COTL1: variants seen among roughly 807,000 people sequenced by gnomAD.
The protein encoded by COTL1 is coactosin like F-actin binding protein 1, also known as coactosin-like protein.
COTL1 carries 15 observed loss-of-function variants against 16.5 expected under a neutral mutation model. That is an observed-to-expected ratio of 0.91 (90% CI 0.61 to 1.40). COTL1 has a LOEUF of 1.40. Ranked by LOEUF, COTL1 falls within the 40% of genes most tolerant of loss-of-function variation. The pLI is 0.00. For synonymous variants in COTL1, 112 were observed against 85.3 expected (o/e 1.31, Z -1.73); for missense variants, 220 against 201.5 (o/e 1.09, Z -0.56).
intron 2 of COTL1, among the ~76,000 whole-genome samples, chr16:84,605,133 C>G (rs948834515): frequency 2.8e-5 from 4 of 144,456 alleles, no homozygotes; most frequent in African/African-American, 8.8e-5. Flanking sequence ...TTCCCACGGC[C>G]CCCCATGGCC....
At chr16:84,585,026 T>G (rs1356102316) in intron 3 of COTL1, among the ~76,000 whole-genome samples, 1 of 152,032 alleles carries the variant, frequency 6.6e-6, no homozygotes, top group African/African-American at 2.4e-5. Context: ...CATAAACAAA[T>G]TACTCCATTA....
chr16:84,595,264 A>G (rs529530454), intron 2 of COTL1: 1 of 152,324 alleles, frequency 6.6e-6, no homozygotes, highest in African/African-American at 2.4e-5. Flanking sequence ...TTATCCGACA[A>G]TGGTTTGGTC....
intron 2 of COTL1, among the ~76,000 whole-genome samples, chr16:84,603,069 C>T (rs755798952): frequency 6.6e-6 from 1 of 152,146 alleles, no homozygotes; most frequent in African/African-American, 2.4e-5. Context: ...CCCTTTCCTC[C>T]CATGTAACAA....
intron 2 of COTL1, among the ~76,000 whole-genome samples, chr16:84,603,265 T>C (rs2150693538): frequency 6.6e-6 from 1 of 152,306 alleles, no homozygotes; most frequent in African/African-American, 2.4e-5. Context: ...ACTTTACTCT[T>C]CTACGGATTC....
chr16:84,614,586 G>T (rs1263558624), intron 2 of COTL1, among the ~76,000 whole-genome samples: 1 of 152,106 alleles, frequency 6.6e-6, no homozygotes, highest in African/African-American at 2.4e-5. Context: ...AGTGGGGAGG[G>T]TTGGGAGAAG....
chr16:84,589,343 T>C (rs542293000), intron 3 of COTL1, among the ~76,000 whole-genome samples: 1 of 152,304 alleles, frequency 6.6e-6, no homozygotes, highest in East Asian at 1.9e-4. Flanking sequence ...TTTAAAATAA[T>C]GTGCATGGTG....
Position 84,567,148 on chromosome 16 carries a change from G to A in COTL1, c.319-193C>T, listed in dbSNP as rs575411807. 602 of 544,788 alleles carry A rather than the reference G, an allele frequency of 1.1e-3. 1 individual carries two copies. Among genetic ancestry groups the A allele is most frequent in the Non-Finnish European group, 1.8e-3 (534 of 299,314 alleles). The allele number at this position is 544,788 out of a possible 1,614,324, so 33.7% of individuals were successfully genotyped here. A position where few individuals can be genotyped will look rare whatever the true frequency, so the allele number is the denominator to read the frequency against. On this transcript the variant is annotated intron_variant, in intron 3 of 3. Coordinates refer to ENST00000262428, the MANE Select transcript of COTL1 (RefSeq NM_021149.5). Reference sequence around the variant, plus strand: ...TGGAAATTGAACAGCAGAGTCATCTGGCAGAAAAAACCTGACTGGGAGGAG... The same window carrying A: ...TGGAAATTGAACAGCAGAGTCATCTAGCAGAAAAAACCTGACTGGGAGGAG...
At chr16:84,567,071 A>G (rs1199560655) in intron 3 of COTL1, 116 bp from the exon 4 acceptor site, 5 of 675,142 alleles carry the variant, frequency 7.4e-6, no homozygotes, top group Non-Finnish European at 1.3e-5. Flanking sequence ...GAGAGATGGA[A>G]ATGGAAATTC....
chr16:84,569,720 A>G (rs933089113), intron 3 of COTL1, among the ~76,000 whole-genome samples: 6 of 152,200 alleles, frequency 3.9e-5, no homozygotes, highest in African/African-American at 1.4e-4. Context: ...TACTAAGTGT[A>G]TGTGATCCGT....
At chr16:84,605,625 C>A (rs1370403518) in intron 2 of COTL1, among the ~76,000 whole-genome samples, 2 of 152,164 alleles carry the variant, frequency 1.3e-5, no homozygotes, top group African/African-American at 2.4e-5. Context: ...ACTCGACCTG[C>A]CAGTACTGGC....
intron 2 of COTL1, among the ~76,000 whole-genome samples, chr16:84,600,407 G>A (rs1037327914): frequency 1.3e-5 from 2 of 151,324 alleles, no homozygotes; most frequent in Non-Finnish European, 2.9e-5. Flanking sequence ...CCGCCTCCTG[G>A]GTTCAAGCGA....
At chr16:84,614,429 C>A (rs1425506767) in intron 2 of COTL1, among the ~76,000 whole-genome samples, 2 of 150,314 alleles carry the variant, frequency 1.3e-5, no homozygotes, top group Non-Finnish European at 3.0e-5. Flanking sequence ...AAGGCCAGGC[C>A]AGGAGGCTGG....
At chr16:84,614,117 G>T (rs889722969) in intron 2 of COTL1, among the ~76,000 whole-genome samples, 1 of 152,236 alleles carries the variant, frequency 6.6e-6, no homozygotes, top group Non-Finnish European at 1.5e-5. Context: ...ACTTCCCCTG[G>T]AGTTTCCAGG....
At chr16:84,572,701 A>G (rs1385534234) in intron 3 of COTL1, among the ~76,000 whole-genome samples, 1 of 151,900 alleles carries the variant, frequency 6.6e-6, no homozygotes, top group East Asian at 1.9e-4. Context: ...GGCTCAAGCG[A>G]TCCACCCATC....
intron 3 of COTL1, among the ~76,000 whole-genome samples, chr16:84,580,518 T>A (rs1198538036): frequency 2.6e-5 from 4 of 152,178 alleles, no homozygotes; most frequent in Non-Finnish European, 5.9e-5. Context: ...CCCTAAGGGC[T>A]CTTAACCTCT....
intron 2 of COTL1, among the ~76,000 whole-genome samples, chr16:84,599,523 A>C (rs1352194802): frequency 6.6e-6 from 1 of 152,210 alleles, no homozygotes; most frequent in African/African-American, 2.4e-5. Flanking sequence ...TTATGGCCCC[A>C]GCACTGATCA....
At chr16:84,583,922 G>A (rs16974214) in intron 3 of COTL1, among the ~76,000 whole-genome samples, 3,649 of 152,096 alleles carry the variant, frequency 0.024, 116 homozygotes, top group African/African-American at 0.082. Context: ...TCCTGGCTCC[G>A]TGAACGTTCA....
intron 2 of COTL1, among the ~76,000 whole-genome samples, chr16:84,605,719 C>T (rs2150694952): frequency 6.6e-6 from 1 of 152,342 alleles, no homozygotes; most frequent in East Asian, 1.9e-4. Context: ...GGATTCTCCC[C>T]TGGAGCCTCC....
chr16:84,580,075 G>A (rs886701304), intron 3 of COTL1, among the ~76,000 whole-genome samples: 1 of 152,220 alleles, frequency 6.6e-6, no homozygotes, highest in East Asian at 1.9e-4. Context: ...CCTGGGGCAG[G>A]TACCAGGCTA....
Sources: gnomAD v4.1 joint callset for allele counts (sites outside exome capture counted in the v4.1 genomes callset) on GRCh38, gnomAD v4.1.1 for gene constraint, MANE v1.5 for transcripts, NCBI Gene and HGNC (gene_info 2026-07-23, HGNC 2026-07-21) for gene names.